SYNJ2: variants seen among roughly 807,000 people sequenced by gnomAD.
The protein encoded by SYNJ2 is synaptojanin 2.
In SYNJ2, 116 loss-of-function variants were observed where a neutral mutation model predicts 141.3. The ratio of observed to expected loss-of-function variants is 0.82; its 90% CI spans 0.71 to 0.96. The LOEUF (loss-of-function observed/expected upper bound fraction) is 0.96. SYNJ2 is among the 40% of genes least tolerant of loss of function. The pLI, the probability that SYNJ2 is intolerant of heterozygous loss-of-function variation, is 0.00. For missense variants in SYNJ2, 1,873 were observed against 1,934.8 expected (o/e 0.97, Z 0.60); for synonymous variants, 745 against 777.7 (o/e 0.96, Z 0.70).
chr6:158,047,804 A>AAAAAC (rs1562355946), intron 5 of SYNJ2, among the ~76,000 whole-genome samples: 2 of 141,638 alleles, frequency 1.4e-5, no homozygotes, highest in African/African-American at 2.6e-5. Context: ...AAAAAAAAAA[A>AAAAAC]ACACACAGTA....
intron 5 of SYNJ2, among the ~76,000 whole-genome samples, chr6:158,049,246 C>T (rs377060914): frequency 5.1e-4 from 78 of 152,048 alleles, no homozygotes; most frequent in South Asian, 2.3e-3. Context: ...GGGAGGAGGA[C>T]GGGGTGGAGG....
chr6:158,013,212 C>G (rs1356338059), intron 1 of SYNJ2, among the ~76,000 whole-genome samples: 1 of 152,112 alleles, frequency 6.6e-6, no homozygotes, highest in Admixed American at 6.6e-5. Context: ...GAAATGCCGT[C>G]CCTACTAAAA....
rs576246116 is a variant in SYNJ2 at position 157,982,168 on chromosome 6, C to A, written c.127+80C>A. The stretch of plus-strand genomic sequence containing the variant: ...CAGCCTCGGGAAGACGGGTACCCCC[C>A]CTTCCCGAGGGGATCGGGCGGCGCT... On this transcript the variant is annotated intron_variant, in intron 1 of 26. Transcript: ENST00000355585. This position sits in a 1 kb window ranked among gnomAD's most constrained non-coding sequence, Gnocchi z 4.0. 5.1e-4 allele frequency: 637 copies of A among 1,250,972 alleles called. 1 individual carries two copies. The highest frequency in any genetic ancestry group is 2.7e-3 in the African/African-American group (172 of 64,228). The allele number at this position is 1,250,972 out of a possible 1,614,324, so 77.5% of individuals were successfully genotyped here. A position where few individuals can be genotyped will look rare whatever the true frequency, so the allele number is the denominator to read the frequency against.
intron 1 of SYNJ2, 151 bp from the exon 2 acceptor site, chr6:158,017,053 A>G: frequency 7.4e-7 from 1 of 1,344,132 alleles, no homozygotes. Flanking sequence ...GAATCATAAA[A>G]CCTCCACACT....
chr6:157,998,083 G>A (rs1413878085), intron 1 of SYNJ2, among the ~76,000 whole-genome samples: 1 of 152,230 alleles, frequency 6.6e-6, no homozygotes, highest in Admixed American at 6.5e-5. Flanking sequence ...GCTCAGAGAG[G>A]AATAGGCTGG....
intron 23 of SYNJ2, among the ~76,000 whole-genome samples, chr6:158,088,101 C>G (rs536723936): frequency 2.8e-5 from 3 of 106,804 alleles, no homozygotes; most frequent in Non-Finnish European, 5.3e-5. Context: ...TTCTGTCCCC[C>G]GGGCTGGAGT....
At chr6:158,053,690 C>T (rs1780693570) in intron 5 of SYNJ2, among the ~76,000 whole-genome samples, 2 of 151,736 alleles carry the variant, frequency 1.3e-5, no homozygotes, top group African/African-American at 2.4e-5. Context: ...GCCAGTCATC[C>T]ATCCATCCAT....
intron 1 of SYNJ2, among the ~76,000 whole-genome samples, chr6:157,990,477 G>T (rs554433125): frequency 1.3e-5 from 2 of 152,308 alleles, no homozygotes; most frequent in Non-Finnish European, 2.9e-5. Flanking sequence ...AAATGAAGAT[G>T]CATGTCCCCA....
intron 3 of SYNJ2, 22 bp from the exon 4 acceptor site, chr6:158,033,433 G>T (rs758093185): frequency 1.9e-6 from 3 of 1,609,196 alleles, no homozygotes; most frequent in Non-Finnish European, 2.6e-6. Context: ...GACTGGAATT[G>T]GTGTGGGACT....
chr6:158,074,518 CT>C (rs1782141883), intron 15 of SYNJ2, 61 bp from the exon 16 acceptor site: 8 of 1,548,600 alleles, frequency 5.2e-6, no homozygotes, highest in Non-Finnish European at 7.0e-6. Flanking sequence ...GCTTGTTTTT[CT>C]CCTCTCTCCC....
chr6:158,082,837 A>G (rs752427425), intron 20 of SYNJ2, among the ~76,000 whole-genome samples: 2 of 152,162 alleles, frequency 1.3e-5, no homozygotes, highest in African/African-American at 4.8e-5. Context: ...CTTTCTCTTT[A>G]GAGTATGTAT....
intron 4 of SYNJ2, among the ~76,000 whole-genome samples, chr6:158,042,137 C>A (rs1338954264): frequency 6.6e-6 from 1 of 152,238 alleles, no homozygotes; most frequent in Non-Finnish European, 1.5e-5. Flanking sequence ...CCAACTATGT[C>A]TGTAGCCGTT....
At position 158,083,442 on chromosome 6, in the gene SYNJ2, C is replaced by T; in HGVS notation, c.2879C>T (p.Ala960Val). ...DVDGMKVKGR[A>V]VKIRPKTKDW... ...CTGCCCTCCCAGGTGAAAGGCAGAG[C>T]AGTGAAGATTAGACCGAAGACCAAG... Residue 960 changes from alanine (A) to valine (V), a missense_variant, in exon 21 of 27, where the codon GCA becomes GTA. Coordinates refer to ENST00000355585, the MANE Select transcript of SYNJ2 (RefSeq NM_003898.4). 4 of 1,614,044 alleles carry T rather than the reference C, an allele frequency of 2.5e-6. No homozygotes were observed. The highest frequency in any genetic ancestry group is 1.1e-5 in the South Asian group (1 of 91,072).
At chr6:158,035,191 A>C (rs981225569) in intron 4 of SYNJ2, among the ~76,000 whole-genome samples, 7 of 152,206 alleles carry the variant, frequency 4.6e-5, no homozygotes, top group Non-Finnish European at 8.8e-5. Flanking sequence ...TATGAATTTT[A>C]AAATAGTTTT....
At chr6:158,021,783 C>T (rs992299170) in intron 2 of SYNJ2, among the ~76,000 whole-genome samples, 8 of 152,196 alleles carry the variant, frequency 5.3e-5, no homozygotes, top group Admixed American at 1.3e-4. Flanking sequence ...AGTCTTGAAG[C>T]GAACTGGCCT....
chr6:158,095,996 G>A lies in SYNJ2; in HGVS notation c.4123G>A (p.Gly1375Ser), dbSNP rs1445172431. 1.2e-6 allele frequency: 2 copies of A among 1,614,188 alleles called. No individual in the cohort carries two copies. Among genetic ancestry groups the A allele is most frequent in the Admixed American group, 1.7e-5 (1 of 60,020 alleles). Reference protein sequence around the residue: ...DSPSGHPPAAGTVFPQGDFLS... With the variant: ...DSPSGHPPAASTVFPQGDFLS... ...CCCCTCTGGGCACCCACCTGCCGCGGGCACCGTCTTCCCACAAGGGGACTT... is the reference window on the plus strand; with the variant it reads ...CCCCTCTGGGCACCCACCTGCCGCGAGCACCGTCTTCCCACAAGGGGACTT... The change falls in exon 27 of 27, where the codon GGC (glycine) becomes AGC (serine). Residue 1375 changes from glycine to serine, a missense_variant. Coordinates refer to ENST00000355585, the MANE Select transcript of SYNJ2 (RefSeq NM_003898.4).
In SYNJ2 at chr6:158,069,664, C is replaced by T. The variant is rs369102081; in HGVS notation, c.1931C>T (p.Pro644Leu). 1.6e-5 allele frequency: 25 copies of T among 1,611,988 alleles called. No individual in the cohort carries two copies. Among genetic ancestry groups the T allele is most frequent in the Non-Finnish European group, 1.8e-5 (21 of 1,178,748 alleles). The part of the protein sequence containing the change: ...LYIFVRPYHV[P>L]FIRDVAIDTV... ...ATCTTTGTACGTCCATACCATGTCC[C>T]GTTCATCAGGTAAGAACATTCTGTT... Residue 644 changes from proline (P) to leucine (L), a missense_variant, in exon 14 of 27, where the codon CCG becomes CTG. Transcript: ENST00000355585.
intron 4 of SYNJ2, among the ~76,000 whole-genome samples, chr6:158,035,017 T>A (rs1779567195): frequency 6.6e-6 from 1 of 152,228 alleles, no homozygotes; most frequent in African/African-American, 2.4e-5. Context: ...TTCTGGGTTG[T>A]CTATTCTGTT....
rs984928337 is a variant in SYNJ2, at chr6:158,071,962, T to G, written c.2133+168T>G. Among the ~76,000 whole-genome samples, 3 of 152,178 alleles carry G rather than the reference T, an allele frequency of 2.0e-5. No homozygotes were observed. Among genetic ancestry groups the G allele is most frequent in the African/African-American group, 7.2e-5 (3 of 41,466 alleles). On this transcript the variant is annotated intron_variant, in intron 15 of 26. Transcript: ENST00000355585. This position sits in a 1 kb window ranked among gnomAD's most constrained non-coding sequence, Gnocchi z 4.3. ...GCTATGTCCCTCCATGGAATTGACC[T>G]GGGGCAGGGTTAGCCACGTGCCTGG...
Sources: allele counts gnomAD v4.1 joint callset (sites outside exome capture counted in the v4.1 genomes callset), GRCh38; gene constraint gnomAD v4.1.1; non-coding constraint Gnocchi (gnomAD v3.1); transcripts MANE v1.5; gene names NCBI Gene and HGNC (gene_info 2026-07-23, HGNC 2026-07-21).